Variants in FHOD3 observed in about 807,000 individuals in gnomAD.
FHOD3 encodes the protein formin homology 2 domain containing 3, also known as FH1/FH2 domain-containing protein 3.
FHOD3 carries 90 observed loss-of-function variants against 173.0 expected under a neutral mutation model. The observed-to-expected ratio is 0.52, with a 90% CI of 0.44 to 0.62. The LOEUF is 0.62. FHOD3 is among the 20% of genes least tolerant of loss of function. The probability of loss-of-function intolerance (pLI) is 0.00; values close to 1 mark genes in which losing one functional copy is unlikely to be tolerated. For missense variants in FHOD3, 1,945 were observed against 2,034.7 expected, an observed-to-expected ratio of 0.96 and a Z score of 0.85; for synonymous variants, 828 against 823.0, an observed-to-expected ratio of 1.01 and a Z score of -0.10.
chr18:36,591,985 G>A (rs1467008533), intron 6 of FHOD3, among the ~76,000 whole-genome samples: 2 of 152,332 alleles, frequency 1.3e-5, no homozygotes, highest in East Asian at 3.9e-4. Context: ...TTGAGAGGCC[G>A]AGGCAGGCAG....
At position 36,759,271 on chromosome 18, in the gene FHOD3, G is replaced by T. The variant is rs1169494409; in HGVS notation, c.4449+130G>T. ...TTAAACAATGCATGGACATTTTTCT[G>T]GTTGGTTTTCGTGTGATCACTAACC... On this transcript the variant is annotated intron_variant, in intron 26 of 28. Transcript: ENST00000590592. 4.5e-6 allele frequency: 5 copies of T among 1,106,050 alleles called. No individual in the cohort carries two copies. The African/African-American group carries it at 7.7e-5, about 17-fold the overall frequency. The allele number at this position is 1,106,050 out of a possible 1,614,324, so 68.5% of individuals were successfully genotyped here.
At chr18:36,616,627 A>G (rs2033228049) in intron 9 of FHOD3, among the ~76,000 whole-genome samples, 1 of 152,224 alleles carries the variant, frequency 6.6e-6, no homozygotes, top group Non-Finnish European at 1.5e-5. Context: ...GCAATAAAAC[A>G]AATACCATGT....
intron 1 of FHOD3, among the ~76,000 whole-genome samples, chr18:36,337,628 T>G (rs2145381164): frequency 6.6e-6 from 1 of 152,326 alleles, no homozygotes; most frequent in Admixed American, 6.5e-5. Context: ...AGGACCATGC[T>G]TGTGTTTTTT....
intron 18 of FHOD3, chr18:36,710,211 A>G (rs1322541370): frequency 2.0e-5 from 3 of 152,222 alleles, no homozygotes; most frequent in Admixed American, 2.0e-4. Flanking sequence ...GATCTGTGAC[A>G]CCACAGGATT....
At chr18:36,689,162 C>A (rs1000664305) in intron 16 of FHOD3, among the ~76,000 whole-genome samples, 2 of 152,136 alleles carry the variant, frequency 1.3e-5, no homozygotes, top group East Asian at 3.8e-4. Context: ...AGACTTTCAT[C>A]CCTGTTTCAA....
chr18:36,495,027 T>C (rs1167837637), intron 3 of FHOD3, among the ~76,000 whole-genome samples: 1 of 152,070 alleles, frequency 6.6e-6, no homozygotes, highest in Non-Finnish European at 1.5e-5. Context: ...ACTGCAGCCT[T>C]GACCTCCTGG....
chr18:36,650,432 C>A (rs923946818), intron 11 of FHOD3, among the ~76,000 whole-genome samples: 13 of 152,108 alleles, frequency 8.5e-5, no homozygotes, highest in African/African-American at 2.7e-4. Flanking sequence ...TGATTGCTTG[C>A]CCCTATTTGG....
chr18:36,409,116 T>C (rs1284025225), intron 3 of FHOD3, among the ~76,000 whole-genome samples: 1 of 152,070 alleles, frequency 6.6e-6, no homozygotes, highest in Non-Finnish European at 1.5e-5. Flanking sequence ...ATTCCTTCCC[T>C]TTCCAGGAGG....
intron 8 of FHOD3, among the ~76,000 whole-genome samples, chr18:36,607,551 G>A (rs905462422): frequency 1.3e-5 from 2 of 152,112 alleles, no homozygotes; most frequent in Non-Finnish European, 1.5e-5. Flanking sequence ...ATGGTCACTT[G>A]GTCATGCCTT....
chr18:36,456,968 C>A (rs2052256577), intron 3 of FHOD3, among the ~76,000 whole-genome samples: 1 of 152,104 alleles, frequency 6.6e-6, no homozygotes. Flanking sequence ...CTGTTTAGCA[C>A]CTGCATCTTT....
chr18:36,760,671 G>C lies in FHOD3; in HGVS notation c.4513G>C (p.Glu1505Gln), dbSNP rs1238795388. 3 of 1,613,294 alleles carry C rather than the reference G, an allele frequency of 1.9e-6. No homozygotes were observed. The highest frequency in any genetic ancestry group is 2.5e-6 in the Non-Finnish European group (3 of 1,179,996). Residue 1505 changes from glutamate to glutamine, a missense_variant, in exon 27 of 29, where the codon GAG (glutamate) becomes CAG (glutamine). Physicochemically the swap from Glu to Gln is conservative, Grantham distance 29. Around this residue, in one of 5 missense-constraint regions of FHOD3, gnomAD observed 354 missense variants for 359.9 expected, o/e 0.98. Coordinates refer to ENST00000590592, the MANE Select transcript of FHOD3 (RefSeq NM_001281740.3). Reference protein sequence around the residue: ...PSQPQGLSYAEDAAEHENMKA... With the variant: ...PSQPQGLSYAQDAAEHENMKA... ...CCAGCCGCAGGGTCTGAGCTATGCGGAGGACGCGGCTGAGCACGAGAACAT... is the reference window on the plus strand; with the variant it reads ...CCAGCCGCAGGGTCTGAGCTATGCGCAGGACGCGGCTGAGCACGAGAACAT...
chr18:36,562,316 C>T lies in FHOD3; in HGVS notation c.512-14135C>T, dbSNP rs556675577. On this transcript the variant is annotated intron_variant, in intron 5 of 28. Coordinates refer to ENST00000590592, the MANE Select transcript of FHOD3 (RefSeq NM_001281740.3). ...ACAGATGTGAGCCACTGCACCCGGC[C>T]ATGACAACTACACTGGATCTTCATT... 1.6e-4 allele frequency among the ~76,000 whole-genome samples: 25 copies of T among 152,260 alleles called. 1 individual carries two copies. Among genetic ancestry groups the T allele is most frequent in the African/African-American group, 5.8e-4 (24 of 41,550 alleles).
chr18:36,567,472 A>G (rs2058305292), intron 5 of FHOD3, among the ~76,000 whole-genome samples: 1 of 152,200 alleles, frequency 6.6e-6, no homozygotes, highest in Non-Finnish European at 1.5e-5. Flanking sequence ...GTTTGGAGTA[A>G]GATGGAGTAA....
At chr18:36,762,160 C>G (rs548898131) in intron 27 of FHOD3, among the ~76,000 whole-genome samples, 1 of 152,172 alleles carries the variant, frequency 6.6e-6, no homozygotes, top group Non-Finnish European at 1.5e-5. Context: ...CTTAAATATA[C>G]AAAAATAACG....
chr18:36,494,842 T>C (rs1024246983), intron 3 of FHOD3, among the ~76,000 whole-genome samples: 3 of 152,232 alleles, frequency 2.0e-5, no homozygotes, highest in African/African-American at 4.8e-5. Flanking sequence ...TTTACTGTTA[T>C]ACTTTTTTTT....
chr18:36,458,088 T>A (rs889773863), intron 3 of FHOD3, among the ~76,000 whole-genome samples: 30 of 152,072 alleles, frequency 2.0e-4, no homozygotes, highest in Non-Finnish European at 4.4e-4. Context: ...TTCTATTCCT[T>A]CTCTTCCCAC....
At chr18:36,311,273 T>G (rs1044803892) in intron 1 of FHOD3, among the ~76,000 whole-genome samples, 1 of 152,144 alleles carries the variant, frequency 6.6e-6, no homozygotes, top group Non-Finnish European at 1.5e-5. Flanking sequence ...GGTGAGCTGA[T>G]TATCAAGTGT....
intron 17 of FHOD3, among the ~76,000 whole-genome samples, chr18:36,701,282 G>C (rs985254249): frequency 6.6e-6 from 1 of 152,272 alleles, no homozygotes; most frequent in South Asian, 2.1e-4. Context: ...AATAAATGAT[G>C]TTGGTATAAT....
At chr18:36,423,342 G>A (rs2050082935) in intron 3 of FHOD3, among the ~76,000 whole-genome samples, 1 of 152,168 alleles carries the variant, frequency 6.6e-6, no homozygotes, top group Non-Finnish European at 1.5e-5. Context: ...AAGGAGGTTG[G>A]AAATGGTCTG....
Sources: allele counts gnomAD v4.1 joint callset (sites outside exome capture counted in the v4.1 genomes callset), GRCh38; gene constraint gnomAD v4.1.1; regional missense constraint gnomAD v4.1.1; transcripts MANE v1.5; gene names NCBI Gene and HGNC (gene_info 2026-07-23, HGNC 2026-07-21).